The following ANK1 variants were observed in gnomAD, a reference collection of about 807,000 sequenced individuals.
ANK1 encodes ankyrin-1.
Under a neutral mutation model 210.4 loss-of-function variants are expected in ANK1, and 51 were observed. The ratio of observed to expected loss-of-function variants is 0.24; its 90% CI spans 0.19 to 0.31. ANK1 has a LOEUF of 0.31. ANK1 is among the 10% of genes least tolerant of loss of function. ANK1 has a pLI of 1.00. For synonymous variants in ANK1, 967 were observed against 1,025.9 expected, an observed-to-expected ratio of 0.94 and a Z score of 1.10; for missense variants, 2,051 against 2,504.4, an observed-to-expected ratio of 0.82 and a Z score of 3.86.
At chr8:41,767,302 C>T (rs1842049770) in intron 1 of ANK1, among the ~76,000 whole-genome samples, 1 of 151,720 alleles carries the variant, frequency 6.6e-6, no homozygotes, top group African/African-American at 2.4e-5. Flanking sequence ...TCCCCGCGCC[C>T]CGGCCCCGGC....
chr8:41,702,178 G>C, intron 20 of ANK1, 34 bp from the exon 21 acceptor site: 1 of 1,577,256 alleles, frequency 6.3e-7, no homozygotes, highest in Non-Finnish European at 8.7e-7. Context: ...CAGTCAGACA[G>C]GGGATGGAGT....
At chr8:41,827,162 A>G (rs1161431085) in intron 1 of ANK1, among the ~76,000 whole-genome samples, 1 of 152,262 alleles carries the variant, frequency 6.6e-6, no homozygotes, top group Admixed American at 6.5e-5. Context: ...TTTGAGCTCC[A>G]TATTCCCCTA....
chr8:41,683,179 C>T (rs575140973), intron 37 of ANK1, among the ~76,000 whole-genome samples: 5 of 152,316 alleles, frequency 3.3e-5, no homozygotes, highest in Non-Finnish European at 5.9e-5. Context: ...GGGCTGGGGG[C>T]CATGACATGC....
intron 42 of ANK1, among the ~76,000 whole-genome samples, chr8:41,659,795 C>A (rs1334191104): frequency 6.7e-6 from 1 of 150,126 alleles, no homozygotes; most frequent in Admixed American, 6.7e-5. Flanking sequence ...GTTTCTGACA[C>A]CCATGCTAGT....
chr8:41,883,440 A>ATGTT (rs10544043), intron 1 of ANK1, among the ~76,000 whole-genome samples: 5,005 of 150,202 alleles, frequency 0.033, 89 homozygotes, highest in African/African-American at 0.04. Context: ...GAAGGATCTC[A>ATGTT]TGTTTGTTTG....
Position 41,694,224 on chromosome 8 carries a change from CCACAGAACCGACA to C in ANK1, c.3328-135_3328-123del. On this transcript the variant is annotated intron_variant, in intron 28 of 42. Coordinates refer to ENST00000289734, the MANE Select transcript of ANK1 (RefSeq NM_000037.4). This position sits in a 1 kb window ranked among gnomAD's most constrained non-coding sequence, Gnocchi z 5.7. Reference sequence around the variant, plus strand: ...CACGGGGTCCCGCCCTGCTGTTGGACCACAGAACCGACACGGTGGAGCTTGCCTTCCTGAGCCC... The same window carrying C: ...CACGGGGTCCCGCCCTGCTGTTGGACCGGTGGAGCTTGCCTTCCTGAGCCC... 9.4e-7 allele frequency: 1 copy of C among 1,063,524 alleles called. No individual in the cohort carries two copies. The highest frequency in any genetic ancestry group is 2.4e-5 in the Admixed American group (1 of 42,388). The allele number at this position is 1,063,524 out of a possible 1,614,324, so 65.9% of individuals were successfully genotyped here. A position where few individuals can be genotyped will look rare whatever the true frequency, so the allele number is the denominator to read the frequency against.
chr8:41,721,656 CAAAAA>C (rs55653901), intron 9 of ANK1, among the ~76,000 whole-genome samples: 9 of 108,126 alleles, frequency 8.3e-5, no homozygotes, highest in African/African-American at 2.6e-4. Flanking sequence ...GACTTCATCT[CAAAAA>C]AAAAAAAAAA....
At chr8:41,743,137 G>C (rs1329659492) in intron 2 of ANK1, among the ~76,000 whole-genome samples, 1 of 152,174 alleles carries the variant, frequency 6.6e-6, no homozygotes, top group Non-Finnish European at 1.5e-5. Flanking sequence ...TACGTTTGCA[G>C]GTCTGCAGCC....
chr8:41,824,500 T>C (rs1805011429), intron 1 of ANK1, among the ~76,000 whole-genome samples: 1 of 152,208 alleles, frequency 6.6e-6, no homozygotes, highest in Admixed American at 6.5e-5. Context: ...GCTGCTTTCA[T>C]GTCACCACTC....
rs990910372 is a variant in ANK1, at chr8:41,690,546, C to T, written c.3912G>A (p.Val1304=). The T allele has an allele frequency of 1.9e-6, 3 of 1,614,030 alleles. No individual in the cohort carries two copies. The highest frequency in any genetic ancestry group is 2.5e-6 in the Non-Finnish European group (3 of 1,179,946). ...AGCTCCGCTGCTGGGCAGCTTTCTT[C>T]ACAGGCACCAGGTTCCCAGAGAGTT... ...FAELSGNLVP[V]KKAAQQRSFH... The change falls in exon 32 of 43, where the codon GTG becomes GTA. Residue 1304 remains valine (V), a synonymous_variant. Transcript: ENST00000289734.
intron 1 of ANK1, among the ~76,000 whole-genome samples, chr8:41,832,458 C>A (rs1406102229): frequency 6.6e-6 from 1 of 152,150 alleles, no homozygotes; most frequent in Non-Finnish European, 1.5e-5. Context: ...GATATTAACA[C>A]CCCCTCCTCC....
intron 15 of ANK1, 90 bp downstream of exon 15, chr8:41,714,886 G>A: frequency 1.5e-6 from 2 of 1,315,800 alleles, no homozygotes; most frequent in East Asian, 2.3e-5. Context: ...AACAACACAG[G>A]CAAGAGATGG....
At chr8:41,667,523 G>A (rs1224565339) in intron 39 of ANK1, among the ~76,000 whole-genome samples, 5 of 152,216 alleles carry the variant, frequency 3.3e-5, no homozygotes, top group African/African-American at 7.2e-5. Flanking sequence ...GAGAAAGTGG[G>A]GGGTGCAGAT....
intron 1 of ANK1, among the ~76,000 whole-genome samples, chr8:41,769,025 C>T (rs1842459288): frequency 6.6e-6 from 1 of 151,668 alleles, no homozygotes; most frequent in Non-Finnish European, 1.5e-5. Context: ...TGTTACAAAG[C>T]CAGGTACGCT....
At chr8:41,820,745 A>G (rs1301920330) in intron 1 of ANK1, among the ~76,000 whole-genome samples, 1 of 152,138 alleles carries the variant, frequency 6.6e-6, no homozygotes, top group South Asian at 2.1e-4. Context: ...CCAGATTAAC[A>G]GGAGAAAAAC....
rs571601800 is a variant in ANK1 at position 41,717,761 on chromosome 8, A to G, written c.1207-59T>C. On this transcript the variant is annotated intron_variant, in intron 11 of 42. Transcript: ENST00000289734. ...GAGTCTTTCCGCTCCCCTGAAGAAG[A>G]GAGAACCTGACAGTATCTAACGCTT... 51 of 1,383,920 alleles carry G rather than the reference A, an allele frequency of 3.7e-5. No individual in the cohort carries two copies. The African/African-American group carries it at 6.9e-4, about 19-fold the overall frequency. 85.7% of individuals were successfully genotyped at this position (1,383,920 alleles called of 1,614,324 possible).
In ANK1 at chr8:41,704,101, T is replaced by G; in HGVS notation, c.2235A>C (p.Gly745=). 6.2e-7 allele frequency: 1 copy of G among 1,614,206 alleles called. No individual in the cohort carries two copies. Among genetic ancestry groups the G allele is most frequent in the Non-Finnish European group, 8.5e-7 (1 of 1,180,030 alleles). The change falls in exon 20 of 43, where the codon GGA becomes GGC. Residue 745 remains glycine (G), a synonymous_variant. Transcript: ENST00000289734. The surrounding 1 kb of genome is among the most constrained non-coding windows in gnomAD (Gnocchi z 4.1). ...YSPLHQAAQQ[G]HTDIVTLLLK... is the part of the protein sequence containing the mutation. ...GAAGCAGAGTCACGATGTCTGTGTG[T>G]CCCTGCTGGGCTGCCTGGTGCAGGG...
rs145239960 is a variant in ANK1, at chr8:41,748,818, G to A, written c.129+9218C>T. On this transcript the variant is annotated intron_variant, in intron 2 of 42. Transcript: ENST00000289734. ...TGGGAGGCTAAGGCGGGCAGATCAC[G>A]AGGTCAGGAGATCAAGACCATCCCA... Among the ~76,000 whole-genome samples, 27 of 152,282 alleles carry A rather than the reference G, an allele frequency of 1.8e-4. No individual in the cohort carries two copies. In the East Asian group the frequency reaches 2.5e-3, roughly 14 times the overall value.
At chr8:41,840,336 A>G (rs1808639230) in intron 1 of ANK1, 2 of 152,178 alleles carry the variant, frequency 1.3e-5, no homozygotes, top group African/African-American at 4.8e-5. Context: ...CTGGGACTAA[A>G]GGCACACTCT....
Sources: allele counts gnomAD v4.1 joint callset (sites outside exome capture counted in the v4.1 genomes callset), GRCh38; gene constraint gnomAD v4.1.1; non-coding constraint Gnocchi (gnomAD v3.1); transcripts MANE v1.5; gene names NCBI Gene and HGNC (gene_info 2026-07-23, HGNC 2026-07-21).